The following CADM1 variants were observed in gnomAD, a reference collection of about 807,000 sequenced individuals.
CADM1 encodes the protein TSLC-1.
CADM1 carries 15 observed loss-of-function variants against 53.1 expected under a neutral mutation model. That is an observed-to-expected ratio of 0.28 (90% CI 0.19 to 0.44). The LOEUF is 0.44. CADM1 is among the 20% of genes least tolerant of loss of function. The probability of loss-of-function intolerance (pLI) is 1.00; values close to 1 mark genes in which losing one functional copy is unlikely to be tolerated. For missense variants in CADM1, 434 were observed against 611.3 expected (o/e 0.71, Z 3.06); for synonymous variants, 281 against 243.0 (o/e 1.16, Z -1.45).
intron 1 of CADM1, among the ~76,000 whole-genome samples, chr11:115,320,252 G>A (rs72996046): frequency 0.13 from 19,440 of 151,874 alleles, 1,355 homozygotes; most frequent in Middle Eastern, 0.17. Context: ...TTATAGAGAC[G>A]AGGTCTCTCT....
At chr11:115,214,169 C>A (rs1320108168) in intron 7 of CADM1, among the ~76,000 whole-genome samples, 1 of 152,156 alleles carries the variant, frequency 6.6e-6, no homozygotes, top group East Asian at 1.9e-4. Flanking sequence ...CTTACAACAT[C>A]TTTTGGAATT....
intron 1 of CADM1, among the ~76,000 whole-genome samples, chr11:115,387,021 T>C (rs1267340578): frequency 6.6e-6 from 1 of 152,214 alleles, no homozygotes; most frequent in Non-Finnish European, 1.5e-5. Flanking sequence ...ACATAACCCA[T>C]TGTACACAGA....
chr11:115,340,259 T>C (rs1945392131), intron 1 of CADM1: 1 of 152,046 alleles, frequency 6.6e-6, no homozygotes, highest in Admixed American at 6.6e-5. Flanking sequence ...TAAAATAATG[T>C]GTAGGTTTAT....
chr11:115,189,816 T>G (rs1250483571), intron 10 of CADM1, among the ~76,000 whole-genome samples: 1 of 152,184 alleles, frequency 6.6e-6, no homozygotes, highest in East Asian at 1.9e-4. Flanking sequence ...GCTTCCAGTC[T>G]GTAGAAAAAT....
intron 1 of CADM1, among the ~76,000 whole-genome samples, chr11:115,464,615 G>A (rs1948859994): frequency 6.6e-6 from 1 of 152,180 alleles, no homozygotes; most frequent in Admixed American, 6.5e-5. Context: ...ACAGAAACCA[G>A]TGTAAAGCTA....
chr11:115,230,056 T>C (rs1032296046), intron 4 of CADM1, among the ~76,000 whole-genome samples: 1 of 152,210 alleles, frequency 6.6e-6, no homozygotes, highest in Non-Finnish European at 1.5e-5. Flanking sequence ...TCTTTTAATG[T>C]TTTGTACTTA....
At chr11:115,473,952 C>A (rs900392591) in intron 1 of CADM1, among the ~76,000 whole-genome samples, 2 of 151,858 alleles carry the variant, frequency 1.3e-5, no homozygotes, top group Non-Finnish European at 2.9e-5. Context: ...AGGCTTATAC[C>A]CAGTACTCTC....
chr11:115,361,392 G>C (rs759888467), intron 1 of CADM1, among the ~76,000 whole-genome samples: 3 of 152,166 alleles, frequency 2.0e-5, no homozygotes, highest in Non-Finnish European at 4.4e-5. Context: ...GTATAACTCA[G>C]ATTCTACCTA....
At chr11:115,250,096 G>A (rs1388601212) in intron 1 of CADM1, among the ~76,000 whole-genome samples, 1 of 152,116 alleles carries the variant, frequency 6.6e-6, no homozygotes, top group East Asian at 1.9e-4. Context: ...GTAGAGATGA[G>A]GTTTCACTGT....
chr11:115,265,915 G>A (rs1943120194), intron 1 of CADM1, among the ~76,000 whole-genome samples: 1 of 152,184 alleles, frequency 6.6e-6, no homozygotes, highest in African/African-American at 2.4e-5. Flanking sequence ...GTAGTCCCCA[G>A]TGGTCATTCC....
chr11:115,176,166 A>T lies in CADM1; in HGVS notation c.*308T>A, dbSNP rs1306352688. On this transcript the variant is annotated 3_prime_UTR_variant, in exon 12 of 12. Transcript: ENST00000331581. ...GAAAAGAAAGGAACGCAACAAACAA[A>T]CAAAAAACAAGGCACAGAATTTTCT... 1.7e-6 allele frequency: 2 copies of T among 1,184,326 alleles called. No homozygotes were observed. Among genetic ancestry groups the T allele is most frequent in the East Asian group, 1.1e-4 (2 of 17,870 alleles). The allele number at this position is 1,184,326 out of a possible 1,614,324, so 73.4% of individuals were successfully genotyped here.
intron 11 of CADM1, among the ~76,000 whole-genome samples, chr11:115,177,412 A>G (rs1939087382): frequency 6.6e-6 from 1 of 152,188 alleles, no homozygotes; most frequent in Non-Finnish European, 1.5e-5. Context: ...CTATATAGGT[A>G]GAAGTTAAAC....
At chr11:115,231,205 C>G (rs1565312620) in intron 4 of CADM1, 148 bp downstream of exon 4, 1 of 907,486 alleles carries the variant, frequency 1.1e-6, no homozygotes, top group East Asian at 2.5e-5. Context: ...ATGCTTTGGC[C>G]TCAGACATAT....
At chr11:115,488,960 C>T (rs532143054) in intron 1 of CADM1, among the ~76,000 whole-genome samples, 89 of 152,258 alleles carry the variant, frequency 5.8e-4, no homozygotes, top group Middle Eastern at 3.4e-3. Flanking sequence ...TTTAAATTTC[C>T]GTATGTTCAC....
chr11:115,195,651 C>T (rs1224202764), intron 9 of CADM1, among the ~76,000 whole-genome samples: 1 of 152,198 alleles, frequency 6.6e-6, no homozygotes, highest in Admixed American at 6.5e-5. Flanking sequence ...TTTTCAGCTA[C>T]AATTCATTAG....
At chr11:115,461,504 C>A (rs1948793996) in intron 1 of CADM1, among the ~76,000 whole-genome samples, 1 of 152,134 alleles carries the variant, frequency 6.6e-6, no homozygotes, top group African/African-American at 2.4e-5. Flanking sequence ...AAAAGGAAGT[C>A]CGGATGTAGG....
chr11:115,351,628 A>AT (rs1945739774), intron 1 of CADM1, among the ~76,000 whole-genome samples: 1 of 152,208 alleles, frequency 6.6e-6, no homozygotes. Context: ...TCTGGCCCTA[A>AT]TGCTTGAGGC....
chr11:115,408,360 T>C (rs1056222069), intron 1 of CADM1, among the ~76,000 whole-genome samples: 3 of 152,222 alleles, frequency 2.0e-5, no homozygotes, highest in African/African-American at 4.8e-5. Flanking sequence ...CTACAGCTAG[T>C]TGGCTGTCCC....
At chr11:115,230,836 A>C (rs1941788045) in intron 4 of CADM1, among the ~76,000 whole-genome samples, 1 of 152,250 alleles carries the variant, frequency 6.6e-6, no homozygotes, top group African/African-American at 2.4e-5. Context: ...CACTTAGTGC[A>C]ACCACTCTTG....
Sources: allele counts gnomAD v4.1 joint callset (sites outside exome capture counted in the v4.1 genomes callset), GRCh38; gene constraint gnomAD v4.1.1; transcripts MANE v1.5; gene names NCBI Gene and HGNC (gene_info 2026-07-23, HGNC 2026-07-21).